Variants in TMEM120B observed in about 807,000 individuals in gnomAD.
The protein encoded by TMEM120B is transmembrane protein 120B.
TMEM120B carries 31 observed loss-of-function variants against 55.5 expected under a neutral mutation model. That is an observed-to-expected ratio of 0.56 (90% CI 0.42 to 0.75). The LOEUF is 0.75. Among genes scored for constraint, TMEM120B ranks in the 30% least tolerant of loss-of-function variants. The pLI is 0.00. For synonymous variants in TMEM120B, 203 were observed against 176.3 expected (o/e 1.15, Z -1.20); for missense variants, 399 against 425.5 (o/e 0.94, Z 0.55).
chr12:121,763,397 C>T (rs1370134035), intron 6 of TMEM120B, among the ~76,000 whole-genome samples: 2 of 151,922 alleles, frequency 1.3e-5, no homozygotes, highest in Non-Finnish European at 2.9e-5. Context: ...CTCCTGACCT[C>T]GTGATCCGCC....
At position 121,775,931 on chromosome 12, in the gene TMEM120B, C is replaced by T. The variant is rs928351590; in HGVS notation, c.*209C>T. On this transcript the variant is annotated 3_prime_UTR_variant, in exon 12 of 12. Transcript: ENST00000449592. This position sits in a 1 kb window ranked among gnomAD's most constrained non-coding sequence, Gnocchi z 4.3. ...TTATGACATATTTAATGCTGGGTCC[C>T]CCATCGTCCCTGGAACCCGAGGCCT... 1.6e-5 allele frequency: 10 copies of T among 622,310 alleles called. No homozygotes were observed. The highest frequency in any genetic ancestry group is 2.5e-4 in the Middle Eastern group (1 of 3,928). The allele number at this position is 622,310 out of a possible 1,614,324, so 38.5% of individuals were successfully genotyped here.
chr12:121,781,220 G>C lies in TMEM120B; in HGVS notation c.*5498G>C. 2 of 1,602,696 alleles carry C rather than the reference G, an allele frequency of 1.2e-6. No individual in the cohort carries two copies. Among genetic ancestry groups the C allele is most frequent in the Non-Finnish European group, 8.5e-7 (1 of 1,170,032 alleles). ...GAAAGCACAGAGCAGCGGGGGTCAG[G>C]GGACGTCCCCTCCCTGTCTGGACTC... On this transcript the variant is annotated 3_prime_UTR_variant, in exon 12 of 12. Transcript: ENST00000449592.
chr12:121,724,227 C>T (rs564673972), intron 1 of TMEM120B, among the ~76,000 whole-genome samples: 10 of 151,592 alleles, frequency 6.6e-5, no homozygotes, highest in African/African-American at 1.5e-4. Flanking sequence ...TTAGTAGAGA[C>T]GGTTTCACTA....
At chr12:121,715,655 C>T (rs1372874168) in intron 1 of TMEM120B, among the ~76,000 whole-genome samples, 2 of 152,076 alleles carry the variant, frequency 1.3e-5, no homozygotes, top group Non-Finnish European at 2.9e-5. Flanking sequence ...CTGCTTGCTG[C>T]AGGCTTTGGT....
At chr12:121,770,135 G>A (rs1873990264) in intron 6 of TMEM120B, among the ~76,000 whole-genome samples, 1 of 152,156 alleles carries the variant, frequency 6.6e-6, no homozygotes, top group African/African-American at 2.4e-5. Context: ...AGTGTCCTAA[G>A]CCACAGAGTG....
At chr12:121,745,391 C>A (rs936506285) in intron 2 of TMEM120B, among the ~76,000 whole-genome samples, 6 of 152,072 alleles carry the variant, frequency 3.9e-5, no homozygotes, top group African/African-American at 1.4e-4. Context: ...TATTTTCATT[C>A]ATTCATTCAT....
intron 1 of TMEM120B, among the ~76,000 whole-genome samples, chr12:121,726,588 AAT>A (rs1323371473): frequency 8.1e-5 from 12 of 148,916 alleles, no homozygotes; most frequent in East Asian, 5.9e-4. Context: ...CAAAAAAAAA[AAT>A]AAAATAAAAT....
intron 5 of TMEM120B, among the ~76,000 whole-genome samples, chr12:121,753,470 T>C (rs1015686608): frequency 7.9e-5 from 12 of 151,630 alleles, no homozygotes; most frequent in African/African-American, 2.9e-4. Context: ...ACCCAAGAGG[T>C]TGAGGCAGGA....
intron 1 of TMEM120B, 42 bp downstream of exon 1, chr12:121,713,006 G>A: frequency 4.1e-6 from 6 of 1,481,406 alleles, no homozygotes; most frequent in Non-Finnish European, 5.4e-6. Context: ...GCTGCCCGCG[G>A]TGCAGCGCCT....
chr12:121,724,030 C>CTTTTTTTTTTTTTTT (rs56972824), intron 1 of TMEM120B, among the ~76,000 whole-genome samples: 2 of 75,962 alleles, frequency 2.6e-5, no homozygotes, highest in African/African-American at 5.3e-5. Flanking sequence ...TCAAGTGATC[C>CTTTTTTTTTTTTTTT]TTTTTTTTTT....
intron 5 of TMEM120B, among the ~76,000 whole-genome samples, chr12:121,757,626 C>T (rs982831271): frequency 3.3e-5 from 5 of 152,028 alleles, no homozygotes; most frequent in Non-Finnish European, 7.4e-5. Flanking sequence ...ATGCCATTCT[C>T]CTGCCTCAGC....
chr12:121,760,599 C>T (rs558734496), intron 5 of TMEM120B, among the ~76,000 whole-genome samples: 10 of 152,190 alleles, frequency 6.6e-5, no homozygotes, highest in Non-Finnish European at 1.5e-4. Flanking sequence ...GTCATTTTGC[C>T]TCCTAGTGCA....
At chr12:121,750,683 ACACT>A (rs1418531910) in intron 4 of TMEM120B, among the ~76,000 whole-genome samples, 25 of 115,626 alleles carry the variant, frequency 2.2e-4, no homozygotes, top group Non-Finnish European at 3.4e-4. Context: ...CCCACACCAC[ACACT>A]CAAAACCCAC....
At chr12:121,713,062 C>T in intron 1 of TMEM120B, 98 bp downstream of exon 1, 1 of 1,031,358 alleles carries the variant, frequency 9.7e-7, no homozygotes, top group South Asian at 1.7e-5. Context: ...ACAGTCAGGG[C>T]CTAGGGAGTG....
intron 6 of TMEM120B, 40 bp downstream of exon 6, chr12:121,761,778 T>A: frequency 6.5e-7 from 1 of 1,544,980 alleles, no homozygotes; most frequent in Middle Eastern, 1.7e-4. Flanking sequence ...ACAAGAGGAG[T>A]TAAAGGGAAA....
At chr12:121,760,240 T>C (rs959398638) in intron 5 of TMEM120B, among the ~76,000 whole-genome samples, 18 of 150,676 alleles carry the variant, frequency 1.2e-4, no homozygotes, top group Non-Finnish European at 2.4e-4. Flanking sequence ...GAGGCAGAGG[T>C]TGCAGTGAGC....
chr12:121,740,196 C>T (rs1872892330), intron 1 of TMEM120B, among the ~76,000 whole-genome samples: 1 of 151,984 alleles, frequency 6.6e-6, no homozygotes, highest in Non-Finnish European at 1.5e-5. Context: ...ATAAAGAAAG[C>T]TAGAGAGGCC....
intron 6 of TMEM120B, among the ~76,000 whole-genome samples, chr12:121,766,353 A>C (rs1873849513): frequency 6.6e-6 from 1 of 152,174 alleles, no homozygotes; most frequent in Non-Finnish European, 1.5e-5. Flanking sequence ...ATAGGGACTA[A>C]ACCTGAAGGG....
Position 121,781,977 on chromosome 12 carries a change from G to T in TMEM120B, c.*6255G>T, listed in dbSNP as rs1874478843. Reference sequence around the variant, plus strand: ...TCTAGGCTTGAGCTTGGTTGGGTTTGCTTTTTTCTTCTTCTTCTTTATAAA... The same window carrying T: ...TCTAGGCTTGAGCTTGGTTGGGTTTTCTTTTTTCTTCTTCTTCTTTATAAA... On this transcript the variant is annotated 3_prime_UTR_variant, in exon 12 of 12. Transcript: ENST00000449592. 1 of 152,132 alleles carries T rather than the reference G, an allele frequency of 6.6e-6. No homozygotes were observed. The highest frequency in any genetic ancestry group is 1.9e-4 in the East Asian group (1 of 5,190). The allele number at this position is 152,132 out of a possible 1,614,324, so 9.4% of individuals were successfully genotyped here.
Sources: allele counts gnomAD v4.1 joint callset (sites outside exome capture counted in the v4.1 genomes callset), GRCh38; gene constraint gnomAD v4.1.1; non-coding constraint Gnocchi (gnomAD v3.1); transcripts MANE v1.5; gene names NCBI Gene and HGNC (gene_info 2026-07-23, HGNC 2026-07-21).